Variants in CTNNA2 observed in about 807,000 individuals in gnomAD.
The protein encoded by CTNNA2 is catenin alpha 2.
Under a neutral mutation model 101.0 loss-of-function variants are expected in CTNNA2, and 42 were observed. The ratio of observed to expected loss-of-function variants is 0.42; its 90% CI spans 0.32 to 0.54. The LOEUF (loss-of-function observed/expected upper bound fraction) is 0.54. CTNNA2 is among the 20% of genes least tolerant of loss of function. The pLI is 0.14. For missense variants in CTNNA2, 871 were observed against 1,223.1 expected (o/e 0.71, Z 4.29); for synonymous variants, 450 against 456.4 (o/e 0.99, Z 0.18).
At chr2:79,638,179 A>G (rs1430493983) in intron 1 of CTNNA2, among the ~76,000 whole-genome samples, 1 of 152,244 alleles carries the variant, frequency 6.6e-6, no homozygotes, top group Non-Finnish European at 1.5e-5. Flanking sequence ...TGTAAATATC[A>G]TGAAATTAAT....
chr2:80,509,064 T>C (rs1230794450), intron 9 of CTNNA2, among the ~76,000 whole-genome samples: 2 of 152,184 alleles, frequency 1.3e-5, no homozygotes, highest in Non-Finnish European at 2.9e-5. Flanking sequence ...AAGGTTTAGG[T>C]GCCAAAAGCA....
intron 7 of CTNNA2, chr2:80,305,336 G>T: frequency 2.0e-6 from 2 of 985,394 alleles, no homozygotes; most frequent in Non-Finnish European, 1.2e-6. Context: ...ATGTCTGTGT[G>T]CAGGGAGACT....
Position 79,541,269 on chromosome 2 carries a change from G to A in CTNNA2, c.-6+28062G>A, listed in dbSNP as rs543231707. Among the ~76,000 whole-genome samples the A allele has an allele frequency of 3.8e-4, 58 of 150,848 alleles. 2 individuals carry two copies. In the East Asian group the frequency reaches 9.6e-3, roughly 25 times the overall value. ...TTTTTCAAATTCTTATTTTACAAAT[G>A]TTAGAATAGAATGGAGCTGCTTTAA... On this transcript the variant is annotated intron_variant, in intron 1 of 18. Coordinates refer to ENST00000402739, the MANE Select transcript of CTNNA2 (RefSeq NM_001282597.3).
chr2:80,492,528 C>A (rs1452499299), intron 9 of CTNNA2, among the ~76,000 whole-genome samples: 1 of 152,186 alleles, frequency 6.6e-6, no homozygotes, highest in Non-Finnish European at 1.5e-5. Flanking sequence ...TTCTGAAACA[C>A]AATTCTCTCT....
chr2:80,198,226 G>A (rs755064742), intron 7 of CTNNA2, among the ~76,000 whole-genome samples: 1 of 152,140 alleles, frequency 6.6e-6, no homozygotes, highest in East Asian at 1.9e-4. Context: ...ACCTAAGGAC[G>A]CCTCAGGAAG....
chr2:80,053,900 G>A (rs914439960), intron 7 of CTNNA2, among the ~76,000 whole-genome samples: 3 of 152,264 alleles, frequency 2.0e-5, no homozygotes, highest in South Asian at 2.1e-4. Context: ...ATCTTCATAC[G>A]TACGTTTTAA....
Position 80,647,908 on chromosome 2 carries a change from T to C in CTNNA2, c.*36T>C. ...TTTAACAAGAAAGCTTTTTCTTTCT[T>C]TTCTTTCTTTCTTTTTCTTTTTAAT... is the stretch of plus-strand genomic sequence containing the variant. On this transcript the variant is annotated 3_prime_UTR_variant, in exon 19 of 19. Transcript: ENST00000402739. The C allele has an allele frequency of 6.6e-7, 1 of 1,521,732 alleles. No homozygotes were observed. Among genetic ancestry groups the C allele is most frequent in the Non-Finnish European group, 8.8e-7 (1 of 1,135,364 alleles). 94.3% of individuals were successfully genotyped at this position (1,521,732 alleles called of 1,614,324 possible). A position where few individuals can be genotyped will look rare whatever the true frequency, so the allele number is the denominator to read the frequency against.
chr2:79,208,945 G>A (rs183280015), intron 2 of CTNNA2, among the ~76,000 whole-genome samples: 47 of 152,230 alleles, frequency 3.1e-4, no homozygotes, highest in Admixed American at 8.5e-4. Context: ...AAAATATTTG[G>A]TAATGATACT....
intron 4 of CTNNA2, among the ~76,000 whole-genome samples, chr2:79,475,851 G>A (rs1671044871): frequency 6.6e-6 from 1 of 151,932 alleles, no homozygotes; most frequent in South Asian, 2.1e-4. Flanking sequence ...ATATCTATAA[G>A]GATGCTGAAG....
At chr2:79,286,146 G>A (rs1275674255) in intron 2 of CTNNA2, among the ~76,000 whole-genome samples, 1 of 152,074 alleles carries the variant, frequency 6.6e-6, no homozygotes, top group Non-Finnish European at 1.5e-5. Context: ...GCCTGTGTGT[G>A]TCTCTGCATG....
intron 1 of CTNNA2, among the ~76,000 whole-genome samples, chr2:79,513,811 C>T (rs1253328035): frequency 6.6e-6 from 1 of 152,126 alleles, no homozygotes; most frequent in Non-Finnish European, 1.5e-5. Flanking sequence ...TTCTTTTTTT[C>T]TTCTGGGAAT....
At chr2:80,474,008 A>G (rs539287045) in intron 9 of CTNNA2, among the ~76,000 whole-genome samples, 6 of 152,202 alleles carry the variant, frequency 3.9e-5, no homozygotes, top group Non-Finnish European at 8.8e-5. Flanking sequence ...GCTTCAATGC[A>G]GGCACAGCTG....
At position 80,515,598 on chromosome 2, in the gene CTNNA2, T is replaced by G. The variant is rs143573671; in HGVS notation, c.1291-29384T>G. ...TGGGATCTTATTCTCTTGAGCTGCA[T>G]TAGAATGAGAAGGCATTCATCCCTC... On this transcript the variant is annotated intron_variant, in intron 9 of 18. Transcript: ENST00000402739. Among the ~76,000 whole-genome samples the G allele has an allele frequency of 3.5e-4, 53 of 152,356 alleles. No individual in the cohort carries two copies. The East Asian group carries it at 9.6e-3, about 28-fold the overall frequency.
intron 8 of CTNNA2, among the ~76,000 whole-genome samples, chr2:80,403,651 T>G (rs919086540): frequency 1.3e-5 from 2 of 152,216 alleles, no homozygotes; most frequent in Non-Finnish European, 2.9e-5. Flanking sequence ...GCACATATGG[T>G]GCCACTTTTC....
At chr2:80,369,021 A>G (rs1259076206) in intron 7 of CTNNA2, among the ~76,000 whole-genome samples, 2 of 151,854 alleles carry the variant, frequency 1.3e-5, no homozygotes, top group South Asian at 2.1e-4. Context: ...GTCTAAAGCT[A>G]TAGGGTTAGT....
intron 7 of CTNNA2, among the ~76,000 whole-genome samples, chr2:80,212,716 G>A (rs1218737522): frequency 2.0e-5 from 3 of 152,156 alleles, no homozygotes; most frequent in African/African-American, 4.8e-5. Context: ...TTGGTATCAG[G>A]ATGATGCTGG....
At chr2:80,566,842 GAAA>G (rs996013730) in intron 12 of CTNNA2, among the ~76,000 whole-genome samples, 5 of 152,192 alleles carry the variant, frequency 3.3e-5, no homozygotes, top group Non-Finnish European at 5.9e-5. Flanking sequence ...GCATCATCAG[GAAA>G]AATTCTATTT....
At chr2:79,615,339 A>C (rs1490300567) in intron 1 of CTNNA2, among the ~76,000 whole-genome samples, 1 of 152,142 alleles carries the variant, frequency 6.6e-6, no homozygotes, top group Non-Finnish European at 1.5e-5. Flanking sequence ...TTTTTTCCTG[A>C]AATTTCAGTT....
chr2:80,146,506 C>T (rs1363332346), intron 7 of CTNNA2, among the ~76,000 whole-genome samples: 1 of 151,890 alleles, frequency 6.6e-6, no homozygotes, highest in Non-Finnish European at 1.5e-5. Context: ...CCATTTTTTT[C>T]TCTATCCGTG....
Sources: allele counts gnomAD v4.1 joint callset (sites outside exome capture counted in the v4.1 genomes callset), GRCh38; gene constraint gnomAD v4.1.1; transcripts MANE v1.5; gene names NCBI Gene and HGNC (gene_info 2026-07-23, HGNC 2026-07-21).